UBE2K: variants seen among roughly 807,000 people sequenced by gnomAD.
The protein encoded by UBE2K is ubiquitin-conjugating enzyme E2 K.
Under a neutral mutation model 30.0 loss-of-function variants are expected in UBE2K, and 6 were observed. That is an observed-to-expected ratio of 0.20 (90% CI 0.11 to 0.39). The LOEUF is 0.39. Among genes scored for constraint, UBE2K ranks in the 10% least tolerant of loss-of-function variants. The pLI is 1.00. For missense variants in UBE2K, 61 were observed against 241.6 expected (o/e 0.25, Z 4.96); for synonymous variants, 86 against 83.7 (o/e 1.03, Z -0.15).
chr4:39,764,084 A>G (rs1291052782), intron 4 of UBE2K, among the ~76,000 whole-genome samples: 2 of 152,222 alleles, frequency 1.3e-5, no homozygotes, highest in Non-Finnish European at 2.9e-5. Context: ...GGCTGTGTGC[A>G]GTGACTCAAA....
Position 39,778,798 on chromosome 4 carries a change from G to C in UBE2K, c.*364G>C, listed in dbSNP as rs1713427776. Reference sequence around the variant, plus strand: ...TTAAGATAATATTTTGAGTGTGTCAGGGCCATTCAAATTGTTGGTGTTGCA... The same window carrying C: ...TTAAGATAATATTTTGAGTGTGTCACGGCCATTCAAATTGTTGGTGTTGCA... On this transcript the variant is annotated 3_prime_UTR_variant, in exon 7 of 7. Coordinates refer to ENST00000261427, the MANE Select transcript of UBE2K (RefSeq NM_005339.5). The C allele has an allele frequency of 1.2e-5, 2 of 162,052 alleles. No individual in the cohort carries two copies. The highest frequency in any genetic ancestry group is 2.4e-5 in the African/African-American group (1 of 41,630). 10.0% of individuals were successfully genotyped at this position (162,052 alleles called of 1,614,324 possible).
At chr4:39,760,636 G>A (rs1175401679) in intron 4 of UBE2K, among the ~76,000 whole-genome samples, 3 of 151,978 alleles carry the variant, frequency 2.0e-5, no homozygotes, top group African/African-American at 4.8e-5. Flanking sequence ...AGTGGCTCAC[G>A]CCTGTAATCC....
chr4:39,720,082 T>TA (rs1719339014), intron 1 of UBE2K, among the ~76,000 whole-genome samples: 1 of 152,238 alleles, frequency 6.6e-6, no homozygotes, highest in African/African-American at 2.4e-5. Flanking sequence ...AAGCAGGAGA[T>TA]ACTTGTTTTC....
In UBE2K at chr4:39,724,605, A is replaced by T. The variant is rs550744597; in HGVS notation, c.64-12815A>T. 1.3e-4 allele frequency among the ~76,000 whole-genome samples: 19 copies of T among 150,298 alleles called. No individual in the cohort carries two copies. In the South Asian group the frequency reaches 3.8e-3, roughly 30 times the overall value. ...CTGCAAAAAAAAAAAAAAAAAAAAA[A>T]AAAAATACAAAAATTAGCTAGGCAT... On this transcript the variant is annotated intron_variant, in intron 1 of 6. Transcript: ENST00000261427.
chr4:39,728,830 T>TG lies in UBE2K; in HGVS notation c.64-8590_64-8589insG, dbSNP rs1281014864. On this transcript the variant is annotated intron_variant, in intron 1 of 6. Coordinates refer to ENST00000261427, the MANE Select transcript of UBE2K (RefSeq NM_005339.5). ...GTAGGTTTTTTTTGTTTTTTTTGTT[T>TG]TTTTTTTTTTGTATTTTTAGTAGAG... Among the ~76,000 whole-genome samples, 7 of 150,020 alleles carry TG rather than the reference T, an allele frequency of 4.7e-5. No individual in the cohort carries two copies. In the East Asian group the frequency reaches 1.4e-3, roughly 30 times the overall value.
intron 1 of UBE2K, among the ~76,000 whole-genome samples, chr4:39,704,642 A>G (rs1718226490): frequency 1.3e-5 from 2 of 152,096 alleles, no homozygotes; most frequent in East Asian, 3.9e-4. Context: ...CCAGGCTTAG[A>G]TGATCCTCCT....
In UBE2K at chr4:39,740,591, G is replaced by A. The variant is rs139967357; in HGVS notation, c.157+3078G>A. On this transcript the variant is annotated intron_variant, in intron 2 of 6. Coordinates refer to ENST00000261427, the MANE Select transcript of UBE2K (RefSeq NM_005339.5). ...AAGATATATTCTTATGGCCGAGTGC[G>A]GTGGCTCACACCTGTAATCCCAGCA... Among the ~76,000 whole-genome samples the A allele has an allele frequency of 5.9e-3, 896 of 151,378 alleles. 7 individuals are homozygous for A. Among genetic ancestry groups the A allele is most frequent in the African/African-American group, 0.021 (847 of 41,286 alleles).
At chr4:39,712,620 C>T (rs745950361) in intron 1 of UBE2K, among the ~76,000 whole-genome samples, 26 of 151,914 alleles carry the variant, frequency 1.7e-4, no homozygotes, top group Non-Finnish European at 2.2e-4. Flanking sequence ...CAGAGTTTCA[C>T]CATGTTGGTC....
At position 39,781,533 on chromosome 4, in the gene UBE2K, G is replaced by A. The variant is rs532383295; in HGVS notation, c.*3099G>A. 3.6e-4 allele frequency: 59 copies of A among 162,872 alleles called. No individual in the cohort carries two copies. The highest frequency in any genetic ancestry group is 5.8e-4 in the Admixed American group (9 of 15,562). 10.1% of individuals were successfully genotyped at this position (162,872 alleles called of 1,614,324 possible). On this transcript the variant is annotated 3_prime_UTR_variant, in exon 7 of 7. Coordinates refer to ENST00000261427, the MANE Select transcript of UBE2K (RefSeq NM_005339.5). ...TGAAAAGCAGATCTTGGGTATAAGT[G>A]TATGCCTGATTTGAGCTTTTAAAAC...
chr4:39,762,036 G>A (rs545220726), intron 4 of UBE2K, among the ~76,000 whole-genome samples: 5 of 151,786 alleles, frequency 3.3e-5, no homozygotes, highest in South Asian at 4.2e-4. Flanking sequence ...AAAATTAGCC[G>A]GGCGTAGTGG....
intron 6 of UBE2K, among the ~76,000 whole-genome samples, chr4:39,778,118 A>G (rs1435806175): frequency 6.6e-6 from 1 of 151,034 alleles, no homozygotes; most frequent in East Asian, 1.9e-4. Context: ...AAAAAAAAAA[A>G]AAAAAGGAAA....
chr4:39,738,936 A>G (rs755130344), intron 2 of UBE2K, among the ~76,000 whole-genome samples: 3 of 152,146 alleles, frequency 2.0e-5, no homozygotes, highest in Non-Finnish European at 4.4e-5. Flanking sequence ...TGGCCTCCCA[A>G]AGTGTTAGGA....
At chr4:39,736,904 G>T (rs1266632794) in intron 1 of UBE2K, among the ~76,000 whole-genome samples, 2 of 152,194 alleles carry the variant, frequency 1.3e-5, no homozygotes, top group African/African-American at 4.8e-5. Flanking sequence ...CACCATTCTG[G>T]TGGATAGTGT....
chr4:39,751,949 C>G (rs1364799766), intron 3 of UBE2K, among the ~76,000 whole-genome samples: 1 of 152,066 alleles, frequency 6.6e-6, no homozygotes, highest in African/African-American at 2.4e-5. Context: ...CCCAGGCAAC[C>G]AAGTGAGACT....
chr4:39,719,370 T>A (rs1414103720), intron 1 of UBE2K, among the ~76,000 whole-genome samples: 1 of 152,210 alleles, frequency 6.6e-6, no homozygotes. Flanking sequence ...GTCCTTCTAC[T>A]CCTGGTAGAT....
intron 4 of UBE2K, among the ~76,000 whole-genome samples, chr4:39,758,744 C>T (rs1711666077): frequency 6.6e-6 from 1 of 151,402 alleles, no homozygotes; most frequent in Non-Finnish European, 1.5e-5. Flanking sequence ...TCTCTTTTTG[C>T]CCAGAGTTAA....
chr4:39,712,195 CTTTTTTTTTTTT>C (rs34711359), intron 1 of UBE2K, among the ~76,000 whole-genome samples: 30 of 58,310 alleles, frequency 5.1e-4, no homozygotes, highest in Admixed American at 1.5e-3. Context: ...CACCGACAAC[CTTTTTTTTTTTT>C]TTTTTTTTTT....
At chr4:39,740,527 C>G (rs540330239) in intron 2 of UBE2K, among the ~76,000 whole-genome samples, 1 of 139,822 alleles carries the variant, frequency 7.2e-6, no homozygotes, top group Non-Finnish European at 1.5e-5. Context: ...TGGGCGACAG[C>G]GAGACTCTGT....
At chr4:39,754,842 T>C (rs1166649308) in intron 3 of UBE2K, among the ~76,000 whole-genome samples, 1 of 152,196 alleles carries the variant, frequency 6.6e-6, no homozygotes, top group Non-Finnish European at 1.5e-5. Flanking sequence ...TAGTAATTAA[T>C]CTACTAAGTG....
Sources: gnomAD v4.1 joint callset for allele counts (sites outside exome capture counted in the v4.1 genomes callset) on GRCh38, gnomAD v4.1.1 for gene constraint, MANE v1.5 for transcripts, NCBI Gene and HGNC (gene_info 2026-07-23, HGNC 2026-07-21) for gene names.